The following ST18 variants were observed in gnomAD, a reference collection of about 807,000 sequenced individuals.
ST18 encodes ST18 C2H2C-type zinc finger transcription factor.
ST18 carries 50 observed loss-of-function variants against 110.0 expected under a neutral mutation model. That is an observed-to-expected ratio of 0.45 (90% CI 0.36 to 0.58). ST18 has a LOEUF of 0.58. Ranked by LOEUF, ST18 falls within the 20% of genes least tolerant of loss-of-function variation. The probability of loss-of-function intolerance (pLI) is 0.00; values close to 1 mark genes in which losing one functional copy is unlikely to be tolerated. For synonymous variants in ST18, 461 were observed against 452.4 expected (o/e 1.02, Z -0.24); for missense variants, 1,306 against 1,280.1 (o/e 1.02, Z -0.31).
intron 2 of ST18, among the ~76,000 whole-genome samples, chr8:52,334,597 A>T (rs16917712): frequency 0.2 from 30,155 of 152,054 alleles, 3,175 homozygotes; most frequent in African/African-American, 0.26. Flanking sequence ...CATTTTAAGG[A>T]TCTGATAAAT....
At chr8:52,351,857 G>A (rs939122259) in intron 2 of ST18, among the ~76,000 whole-genome samples, 1 of 152,150 alleles carries the variant, frequency 6.6e-6, no homozygotes, top group Admixed American at 6.5e-5. Context: ...GAATCTAAAG[G>A]TTGGGTAGAA....
intron 10 of ST18, among the ~76,000 whole-genome samples, chr8:52,171,059 A>G (rs1212459622): frequency 2.6e-5 from 4 of 152,194 alleles, no homozygotes; most frequent in African/African-American, 9.7e-5. Flanking sequence ...TGGAGAACTG[A>G]TGATGATGGG....
chr8:52,183,814 T>C (rs2070891748), intron 8 of ST18, among the ~76,000 whole-genome samples: 1 of 152,206 alleles, frequency 6.6e-6, no homozygotes, highest in South Asian at 2.1e-4. Flanking sequence ...ATAAAGGCAT[T>C]CTACTTTTTA....
At chr8:52,381,623 C>T (rs980219659) in intron 2 of ST18, among the ~76,000 whole-genome samples, 15 of 152,122 alleles carry the variant, frequency 9.9e-5, no homozygotes, top group African/African-American at 2.9e-4. Flanking sequence ...TTCTTGGAGT[C>T]GTCTCATAAG....
At chr8:52,399,539 T>C (rs1318043756) in intron 2 of ST18, among the ~76,000 whole-genome samples, 3 of 151,958 alleles carry the variant, frequency 2.0e-5, no homozygotes, top group African/African-American at 7.2e-5. Flanking sequence ...TTATTTGGGA[T>C]CTTTCTTCTT....
chr8:52,357,681 ATATATATATATATATATATAT>A (rs1823496813), intron 2 of ST18, among the ~76,000 whole-genome samples: 3 of 19,026 alleles, frequency 1.6e-4, no homozygotes, highest in African/African-American at 4.1e-4. Context: ...CTATAAATAT[ATATATATATATATATATATAT>A]ATATATATAT....
intron 2 of ST18, among the ~76,000 whole-genome samples, chr8:52,246,074 T>C (rs1247025424): frequency 1.3e-5 from 2 of 152,134 alleles, no homozygotes; most frequent in African/African-American, 4.8e-5. Context: ...GATGTAACAT[T>C]TGACAACACT....
chr8:52,323,913 G>A (rs1805116948), intron 2 of ST18, among the ~76,000 whole-genome samples: 1 of 152,220 alleles, frequency 6.6e-6, no homozygotes, highest in South Asian at 2.1e-4. Context: ...GCAGCCAGTT[G>A]TCTAAGGTTT....
intron 2 of ST18, chr8:52,403,582 A>AGGGT (rs1294811631): frequency 6.6e-6 from 1 of 152,154 alleles, no homozygotes; most frequent in Non-Finnish European, 1.5e-5. Context: ...TGGGGTGGCA[A>AGGGT]GGGTGTGGCA....
chr8:52,203,549 C>T (rs2078791191), intron 8 of ST18, among the ~76,000 whole-genome samples: 1 of 151,788 alleles, frequency 6.6e-6, no homozygotes, highest in Admixed American at 6.5e-5. Flanking sequence ...TTTCAGTTCA[C>T]ATTTTAAGCA....
At chr8:52,337,150 T>G (rs1564524156) in intron 2 of ST18, among the ~76,000 whole-genome samples, 1 of 152,264 alleles carries the variant, frequency 6.6e-6, no homozygotes, top group Non-Finnish European at 1.5e-5. Context: ...TAAAGATGTT[T>G]GTTTTTTCAA....
intron 23 of ST18, among the ~76,000 whole-genome samples, chr8:52,125,677 A>T (rs2046767950): frequency 6.6e-6 from 1 of 150,468 alleles, no homozygotes; most frequent in Non-Finnish European, 1.5e-5. Context: ...TTTTTTAGAG[A>T]TGGGGTCTGG....
At chr8:52,187,690 T>C (rs1486854742) in intron 8 of ST18, among the ~76,000 whole-genome samples, 1 of 152,230 alleles carries the variant, frequency 6.6e-6, no homozygotes, top group Non-Finnish European at 1.5e-5. Context: ...TTACTAAATC[T>C]AAGATGAGCT....
chr8:52,209,022 G>A (rs1350255632), intron 8 of ST18, among the ~76,000 whole-genome samples: 3 of 152,104 alleles, frequency 2.0e-5, no homozygotes, highest in Non-Finnish European at 4.4e-5. Context: ...TTAGCTTTCT[G>A]AGTTACTCTA....
chr8:52,386,203 G>A (rs1170781492), intron 2 of ST18, among the ~76,000 whole-genome samples: 2 of 152,038 alleles, frequency 1.3e-5, no homozygotes, highest in Non-Finnish European at 2.9e-5. Flanking sequence ...CCTTTATAAA[G>A]CATGTTTAAT....
intron 2 of ST18, among the ~76,000 whole-genome samples, chr8:52,244,959 T>C (rs764643478): frequency 2.0e-5 from 3 of 152,200 alleles, no homozygotes; most frequent in Non-Finnish European, 4.4e-5. Context: ...TAATAGGTTG[T>C]ATACTCTAAT....
At chr8:52,147,369 G>A (rs1563684259) in intron 16 of ST18, among the ~76,000 whole-genome samples, 1 of 152,136 alleles carries the variant, frequency 6.6e-6, no homozygotes, top group Non-Finnish European at 1.5e-5. Flanking sequence ...GATAAGAACT[G>A]TGGCTAAGGA....
chr8:52,180,270 T>G lies in ST18; in HGVS notation c.129A>C (p.Glu43Asp). ...DCSMAKKRTA[E>D]DQALGVPVNK... ...TGACTGGAACCCCCAAAGCCTGATC[T>G]TCAGCTGTTCTCTTCTTTGCCATGG... The change falls in exon 9 of 26, where the codon GAA (glutamate) becomes GAC (aspartate). Residue 43 changes from glutamate (E) to aspartate (D), a missense_variant. Coordinates refer to ENST00000689386, the MANE Select transcript of ST18 (RefSeq NM_001352837.2). 3 of 1,614,220 alleles carry G rather than the reference T, an allele frequency of 1.9e-6. No homozygotes were observed. Among genetic ancestry groups the G allele is most frequent in the Non-Finnish European group, 2.5e-6 (3 of 1,180,036 alleles).
chr8:52,272,301 C>T (rs1047995099), intron 2 of ST18, among the ~76,000 whole-genome samples: 1 of 152,016 alleles, frequency 6.6e-6, no homozygotes. Context: ...AAAAATATGA[C>T]AAAGGGTTAA....
Sources: gnomAD v4.1 joint callset for allele counts (sites outside exome capture counted in the v4.1 genomes callset) on GRCh38, gnomAD v4.1.1 for gene constraint, MANE v1.5 for transcripts, NCBI Gene and HGNC (gene_info 2026-07-23, HGNC 2026-07-21) for gene names.